Variants in GLIS3 observed in about 807,000 individuals in gnomAD.
The protein encoded by GLIS3 is GLIS family zinc finger 3.
GLIS3 carries 53 observed loss-of-function variants against 78.6 expected under a neutral mutation model. The ratio of observed to expected loss-of-function variants is 0.67; its 90% CI spans 0.54 to 0.85. The LOEUF is 0.85. Ranked by LOEUF, GLIS3 falls within the 40% of genes least tolerant of loss-of-function variation. The probability of loss-of-function intolerance (pLI) is 0.00; values close to 1 mark genes in which losing one functional copy is unlikely to be tolerated. For synonymous variants in GLIS3, 684 were observed against 509.9 expected (o/e 1.34, Z -4.60); for missense variants, 1,703 against 1,231.1 (o/e 1.38, Z -5.74).
intron 2 of GLIS3, among the ~76,000 whole-genome samples, chr9:4,234,050 G>C (rs1430614900): frequency 1.3e-5 from 2 of 152,168 alleles, no homozygotes; most frequent in African/African-American, 4.8e-5. Context: ...GCTTAATCTG[G>C]ATTAGGCTTT....
chr9:3,833,830 A>T (rs1818189828), intron 9 of GLIS3, among the ~76,000 whole-genome samples: 1 of 152,214 alleles, frequency 6.6e-6, no homozygotes, highest in African/African-American at 2.4e-5. Context: ...ACTTGCAGAT[A>T]AATGTATTCC....
chr9:4,142,585 T>C (rs1243091109), intron 2 of GLIS3, among the ~76,000 whole-genome samples: 2 of 152,306 alleles, frequency 1.3e-5, no homozygotes, highest in East Asian at 3.9e-4. Flanking sequence ...GGCAGAAATC[T>C]CACTTTGATC....
intron 2 of GLIS3, among the ~76,000 whole-genome samples, chr9:4,175,239 G>A (rs1322456519): frequency 6.6e-6 from 1 of 152,148 alleles, no homozygotes; most frequent in Non-Finnish European, 1.5e-5. Context: ...ATGCACTGAA[G>A]GTAATATCAA....
At chr9:4,198,880 T>C (rs1462420877) in intron 2 of GLIS3, among the ~76,000 whole-genome samples, 2 of 152,186 alleles carry the variant, frequency 1.3e-5, no homozygotes, top group African/African-American at 2.4e-5. Context: ...AGAAACCTTA[T>C]AAGCCAGGAG....
rs370476150 is a variant in GLIS3 at position 4,080,876 on chromosome 9, G to A, written c.1710+36892C>T. Among the ~76,000 whole-genome samples the A allele has an allele frequency of 9.2e-5, 14 of 152,148 alleles. No homozygotes were observed. In the East Asian group the frequency reaches 1.7e-3, roughly 19 times the overall value. ...CGTTGGATCATCTTGACCCCCGGGC[G>A]TACATCGTACAACCTTCACACCCCC... On this transcript the variant is annotated intron_variant, in intron 4 of 10. Coordinates refer to ENST00000381971, the MANE Select transcript of GLIS3 (RefSeq NM_001042413.2).
intron 2 of GLIS3, among the ~76,000 whole-genome samples, chr9:4,170,523 G>A (rs1258649846): frequency 3.4e-4 from 52 of 152,198 alleles, no homozygotes; most frequent in Non-Finnish European, 8.8e-5. Context: ...ATGGAAGTGA[G>A]ACAGTCATCT....
intron 2 of GLIS3, among the ~76,000 whole-genome samples, chr9:4,248,355 T>A (rs921950417): frequency 3.3e-5 from 5 of 152,210 alleles, no homozygotes; most frequent in African/African-American, 1.2e-4. Context: ...TTTCTTTTCC[T>A]GTGTTGATTT....
intron 9 of GLIS3, among the ~76,000 whole-genome samples, chr9:3,849,611 C>G (rs962232976): frequency 1.3e-5 from 2 of 152,108 alleles, no homozygotes; most frequent in African/African-American, 4.8e-5. Context: ...TGTTAGACGT[C>G]TTGTCATGAG....
At chr9:4,249,656 T>C (rs576317293) in intron 2 of GLIS3, among the ~76,000 whole-genome samples, 1 of 152,340 alleles carries the variant, frequency 6.6e-6, no homozygotes, top group Non-Finnish European at 1.5e-5. Context: ...CAATACTATG[T>C]TGAATAAGGG....
At chr9:4,271,555 A>G (rs1276968077) in intron 2 of GLIS3, among the ~76,000 whole-genome samples, 1 of 152,216 alleles carries the variant, frequency 6.6e-6, no homozygotes, top group Non-Finnish European at 1.5e-5. Flanking sequence ...TGCCTAGGAA[A>G]AAGCAGCATA....
At chr9:4,285,613 C>G (rs146477188) in intron 2 of GLIS3, 289 of 158,072 alleles carry the variant, frequency 1.8e-3, no homozygotes, top group African/African-American at 6.5e-3. Flanking sequence ...TTCTTCTACA[C>G]TATACTTTTA....
intron 7 of GLIS3, among the ~76,000 whole-genome samples, chr9:3,894,357 C>A (rs569507720): frequency 2.0e-5 from 3 of 152,166 alleles, no homozygotes. Flanking sequence ...AACTTAATAA[C>A]CATTTTCTGA....
intron 2 of GLIS3, among the ~76,000 whole-genome samples, chr9:4,243,768 C>A (rs377244157): frequency 6.6e-6 from 1 of 152,146 alleles, no homozygotes; most frequent in Non-Finnish European, 1.5e-5. Flanking sequence ...GTGTAATCCA[C>A]GTTGAAGGTG....
At chr9:3,940,545 A>C (rs1041452186) in intron 4 of GLIS3, among the ~76,000 whole-genome samples, 1 of 152,172 alleles carries the variant, frequency 6.6e-6, no homozygotes, top group African/African-American at 2.4e-5. Flanking sequence ...AGCTGTAGGA[A>C]CCATGAGCCC....
At chr9:3,951,882 A>ACGCACG (rs1554654469) in intron 4 of GLIS3, among the ~76,000 whole-genome samples, 69 of 147,524 alleles carry the variant, frequency 4.7e-4, no homozygotes, top group Admixed American at 8.1e-4. Context: ...ACACACACAC[A>ACGCACG]CACGCACGCA....
chr9:4,242,948 T>C (rs1272362450), intron 2 of GLIS3, among the ~76,000 whole-genome samples: 1 of 152,224 alleles, frequency 6.6e-6, no homozygotes, highest in Non-Finnish European at 1.5e-5. Context: ...ATATTTCTAT[T>C]AGATAGTACT....
intron 7 of GLIS3, among the ~76,000 whole-genome samples, chr9:3,882,473 C>G (rs371824189): frequency 6.6e-6 from 1 of 150,996 alleles, no homozygotes; most frequent in African/African-American, 2.4e-5. Flanking sequence ...CATGCTACGG[C>G]TGGTGCATTA....
the GLIS3 span, among the ~76,000 whole-genome samples, chr9:4,383,835 G>A: frequency 2.0e-5 from 3 of 152,166 alleles, no homozygotes; most frequent in African/African-American, 7.2e-5. Flanking sequence ...TAATTAAGAG[G>A]GAGGTATTGA....
chr9:4,232,320 G>A (rs1172959187), intron 2 of GLIS3, among the ~76,000 whole-genome samples: 1 of 148,128 alleles, frequency 6.8e-6, no homozygotes, highest in Non-Finnish European at 1.5e-5. Context: ...GTTCAAGGCT[G>A]CAGTGAGCTA....
Sources: gnomAD v4.1 joint callset for allele counts (sites outside exome capture counted in the v4.1 genomes callset) on GRCh38, gnomAD v4.1.1 for gene constraint, MANE v1.5 for transcripts, NCBI Gene and HGNC (gene_info 2026-07-23, HGNC 2026-07-21) for gene names.